FAM136A: variants seen among roughly 807,000 people sequenced by gnomAD.
FAM136A encodes TIM double twin CX3C motif protein.
A neutral mutation model predicts 21.6 loss-of-function variants in FAM136A; 25 were observed. The ratio of observed to expected loss-of-function variants is 1.16; its 90% CI spans 0.84 to 1.62. The LOEUF is 1.62. Among genes scored for constraint, FAM136A ranks in the 40% most tolerant of loss-of-function variants. The pLI is 0.00. For missense variants in FAM136A, 338 were observed against 332.0 expected (o/e 1.02, Z -0.14); for synonymous variants, 119 against 129.4 (o/e 0.92, Z 0.55).
chr2:70,300,481 C>T (rs890392072), intron 2 of FAM136A: 2 of 159,382 alleles, frequency 1.3e-5, no homozygotes, highest in South Asian at 3.3e-4. Flanking sequence ...TGCGTGCCAC[C>T]ACGCCTGGCT....
chr2:70,298,563 T>G (rs1340467989), intron 2 of FAM136A, among the ~76,000 whole-genome samples: 1 of 151,958 alleles, frequency 6.6e-6, no homozygotes, highest in African/African-American at 2.4e-5. Flanking sequence ...ACAAAGTAAA[T>G]GGAGATGTGG....
At position 70,301,660 on chromosome 2, in the gene FAM136A, G is replaced by T. The variant is rs1187601876; in HGVS notation, c.352C>A (p.Pro118Thr). The change falls in exon 1 of 3, where the codon CCC becomes ACC. Residue 118 changes from proline to threonine, a missense_variant. Pro to Thr is a conservative substitution (Grantham distance 38). Coordinates refer to ENST00000430566, the MANE Select transcript of FAM136A (RefSeq NM_001329752.2). ...QERPRRQVGS[P>T]WWQALAPPPS... ...GGTGGGGCGAGCGCCTGCCACCAGG[G>T]GCTTCCCACCTGCCGCCGAGGACGC... 9.1e-6 allele frequency: 14 copies of T among 1,535,028 alleles called. No homozygotes were observed. In the Admixed American group the frequency reaches 2.7e-4, roughly 30 times the overall value.
At chr2:70,299,591 TTTTTTA>T (rs1319634926) in intron 2 of FAM136A, among the ~76,000 whole-genome samples, 1 of 152,116 alleles carries the variant, frequency 6.6e-6, no homozygotes, top group Admixed American at 6.5e-5. Context: ...GAAACTTTAT[TTTTTTA>T]TTTTTATTTT....
intron 2 of FAM136A, among the ~76,000 whole-genome samples, chr2:70,300,043 A>G (rs1257268788): frequency 1.3e-5 from 2 of 151,768 alleles, no homozygotes; most frequent in African/African-American, 4.8e-5. Flanking sequence ...CTGGGATTAC[A>G]GGCACCTGCC....
chr2:70,301,369 A>G (rs1260350007), intron 1 of FAM136A: 3 of 1,499,662 alleles, frequency 2.0e-6, no homozygotes, highest in Non-Finnish European at 2.7e-6. Flanking sequence ...CCGACCCACT[A>G]ATCAATGACT....
Position 70,301,787 on chromosome 2 carries a change from GC to G in FAM136A, c.224del (p.Gly75AlafsTer80). 6.5e-7 allele frequency: 1 copy of G among 1,546,798 alleles called. No individual in the cohort carries two copies. ...AGCTTCCGAAGTCCTGTCCGAGGCC[GC>G]CCCGGCGACCCCAGGGCCGCCCACA... ...TGCGRPWGRR[G>X]GLGQDFGSFG... On this transcript the variant is annotated frameshift_variant, in exon 1 of 3. Coordinates refer to ENST00000430566, the MANE Select transcript of FAM136A (RefSeq NM_001329752.2). LOFTEE classifies it high-confidence loss of function.
Position 70,300,919 on chromosome 2 carries a change from A to C in FAM136A, c.470T>G (p.Val157Gly). ...CEDSQASMKQ[V>G]HQCIERCHVP... Reference sequence around the variant, plus strand: ...ATGGCAGCGCTCGATGCACTGGTGCACCTGCTTCATGGAGGCCTGGCTGTC... The same window carrying C: ...ATGGCAGCGCTCGATGCACTGGTGCCCCTGCTTCATGGAGGCCTGGCTGTC... Residue 157 changes from valine (V) to glycine (G), a missense_variant, in exon 2 of 3, where the codon GTG becomes GGG. Transcript: ENST00000430566. 6.2e-7 allele frequency: 1 copy of C among 1,613,710 alleles called. No homozygotes were observed. The highest frequency in any genetic ancestry group is 1.1e-5 in the South Asian group (1 of 91,082).
At chr2:70,300,402 A>T (rs1166187130) in intron 2 of FAM136A, 1 of 152,904 alleles carries the variant, frequency 6.5e-6, no homozygotes, top group East Asian at 1.9e-4. Flanking sequence ...ATCTTGGCTC[A>T]CTGCAACTAC....
At chr2:70,301,283 A>G (rs1285602519) in intron 1 of FAM136A, 1 of 1,280,194 alleles carries the variant, frequency 7.8e-7, no homozygotes, top group Non-Finnish European at 1.0e-6. Context: ...ACGAAGCCAA[A>G]TTCTGAAAAC....
At chr2:70,301,380 CA>C in intron 1 of FAM136A, 1 of 1,517,084 alleles carries the variant, frequency 6.6e-7, no homozygotes, top group Non-Finnish European at 8.8e-7. Context: ...ATCAATGACT[CA>C]AGGGGCACTA....
chr2:70,300,991 A>G lies in FAM136A; in HGVS notation c.409-11T>C. 1 of 1,605,246 alleles carries G rather than the reference A, an allele frequency of 6.2e-7. No individual in the cohort carries two copies. ...CCGGAACATGAGACCCTGGGGAGAA[A>G]GGGCAGAGAGGTTAGGTAGGAAAGT... On this transcript the variant is annotated splice_polypyrimidine_tract_variant and intron_variant, in intron 1 of 2. Coordinates refer to ENST00000430566, the MANE Select transcript of FAM136A (RefSeq NM_001329752.2).
At chr2:70,301,054 T>G in intron 1 of FAM136A, 74 bp from the exon 2 acceptor site, 2 of 1,500,884 alleles carry the variant, frequency 1.3e-6, no homozygotes, top group South Asian at 2.5e-5. Flanking sequence ...ACTACAGGAG[T>G]TAGAAGGCCA....
At chr2:70,300,662 C>A (rs770916650) in intron 2 of FAM136A, 178 bp downstream of exon 2, 3 of 643,564 alleles carry the variant, frequency 4.7e-6, no homozygotes, top group Non-Finnish European at 8.0e-6. Flanking sequence ...CAACTTAAGG[C>A]ACTCGACCGC....
At position 70,300,955 on chromosome 2, in the gene FAM136A, C is replaced by G. The variant is rs1480139365; in HGVS notation, c.434G>C (p.Ser145Thr). Residue 145 changes from serine to threonine, a missense_variant, in exon 2 of 3, where the codon AGC (serine) becomes ACC (threonine). By Grantham distance (58) the Ser-to-Thr change is moderately conservative. Transcript: ENST00000430566. ...PQGLMFRCSA[S>T]CCEDSQASMK... ...GGAGGCCTGGCTGTCCTCACAACAG[C>G]TGGCGCTGCACCGGAACATGAGACC... 6.2e-7 allele frequency: 1 copy of G among 1,612,914 alleles called. No homozygotes were observed. Among genetic ancestry groups the G allele is most frequent in the South Asian group, 1.1e-5 (1 of 91,064 alleles).
At chr2:70,298,374 G>T (rs759348162) in intron 2 of FAM136A, among the ~76,000 whole-genome samples, 7 of 152,298 alleles carry the variant, frequency 4.6e-5, no homozygotes, top group African/African-American at 9.6e-5. Flanking sequence ...GGGATTATAG[G>T]TGTGAGCCAC....
At chr2:70,301,268 G>T in intron 1 of FAM136A, 1 of 1,126,278 alleles carries the variant, frequency 8.9e-7, no homozygotes, top group Non-Finnish European at 1.2e-6. Flanking sequence ...GGGTAGGGTG[G>T]TCTGACGAAG....
In FAM136A at chr2:70,302,007, G is replaced by C; in HGVS notation, c.5C>G (p.Ala2Gly). M[A>G]ELQQLRVQEA... ...CTGCACCCGGAGCTGCTGCAGCTCA[G>C]CCATGGCGACCCCGCGCTGCCCCGC... The change falls in exon 1 of 3, where the codon GCT becomes GGT. Residue 2 changes from alanine to glycine, a missense_variant. Ala to Gly is a moderately conservative substitution (Grantham distance 60, BLOSUM62 0). Coordinates refer to ENST00000430566, the MANE Select transcript of FAM136A (RefSeq NM_001329752.2). The C allele has an allele frequency of 6.3e-7, 1 of 1,597,178 alleles. No homozygotes were observed. The highest frequency in any genetic ancestry group is 8.5e-7 in the Non-Finnish European group (1 of 1,173,510).
Position 70,297,484 on chromosome 2 carries a change from C to A in FAM136A, c.550-7G>T, listed in dbSNP as rs189658423. 1.8e-5 allele frequency: 28 copies of A among 1,593,576 alleles called. No individual in the cohort carries two copies. The highest frequency in any genetic ancestry group is 1.0e-5 in the Non-Finnish European group (12 of 1,164,714). On this transcript the variant is annotated splice_polypyrimidine_tract_variant and splice_region_variant and intron_variant, in intron 2 of 2. Coordinates refer to ENST00000430566, the MANE Select transcript of FAM136A (RefSeq NM_001329752.2). ...TGCACCGGGCCAGGCGGTCCTGTGG[C>A]AAGAAGGAAGAACGTAGAAAAAGCT...
chr2:70,300,147 G>A (rs566333095), intron 2 of FAM136A, among the ~76,000 whole-genome samples: 2 of 152,172 alleles, frequency 1.3e-5, no homozygotes, highest in South Asian at 2.1e-4. Flanking sequence ...TGATCCACCC[G>A]CCTCGGCCTC....
Sources: gnomAD v4.1 joint callset for allele counts (sites outside exome capture counted in the v4.1 genomes callset) on GRCh38, gnomAD v4.1.1 for gene constraint, MANE v1.5 for transcripts, NCBI Gene and HGNC (gene_info 2026-07-23, HGNC 2026-07-21) for gene names.